The following NOS1 variants were observed in gnomAD, a reference collection of about 807,000 sequenced individuals.
The protein encoded by NOS1 is nitric oxide synthase 1, also known as NOS type I.
NOS1 carries 51 observed loss-of-function variants against 164.5 expected under a neutral mutation model. The observed-to-expected ratio is 0.31, with a 90% CI of 0.25 to 0.39. NOS1 has a LOEUF of 0.39. NOS1 is among the 10% of genes least tolerant of loss of function. NOS1 has a pLI of 1.00. For missense variants in NOS1, 1,362 were observed against 1,885.6 expected (o/e 0.72, Z 5.14); for synonymous variants, 719 against 745.8 (o/e 0.96, Z 0.59).
At position 117,253,112 on chromosome 12, in the gene NOS1, G is replaced by T. The variant is rs151299399; in HGVS notation, c.2648+526C>A. ...TTGTCAAATCTGACTGCACGTTAGA[G>T]TCAATTGGAGAGACTTAAAGAAAAA... On this transcript the variant is annotated intron_variant, in intron 17 of 28. Transcript: ENST00000317775. 1.8e-3 allele frequency among the ~76,000 whole-genome samples: 277 copies of T among 152,294 alleles called. 2 individuals are homozygous for T. Among genetic ancestry groups the T allele is most frequent in the African/African-American group, 6.6e-3 (274 of 41,556 alleles).
At chr12:117,273,065 C>G (rs561233540) in intron 9 of NOS1, among the ~76,000 whole-genome samples, 1 of 152,204 alleles carries the variant, frequency 6.6e-6, no homozygotes, top group Admixed American at 6.5e-5. Context: ...CTTACTCATA[C>G]TTTAATTGTC....
At chr12:117,332,639 C>T (rs369411719) in intron 1 of NOS1, among the ~76,000 whole-genome samples, 87 of 152,010 alleles carry the variant, frequency 5.7e-4, no homozygotes, top group African/African-American at 1.7e-3. Flanking sequence ...CCAAGGCGGG[C>T]GGATCACCTG....
chr12:117,300,066 TTA>T (rs1873713778), intron 3 of NOS1, among the ~76,000 whole-genome samples: 1 of 152,192 alleles, frequency 6.6e-6, no homozygotes, highest in African/African-American at 2.4e-5. Flanking sequence ...AGTTTCATGT[TTA>T]TGTTTTGGCC....
At chr12:117,233,119 C>T (rs1319567167) in intron 21 of NOS1, among the ~76,000 whole-genome samples, 2 of 142,440 alleles carry the variant, frequency 1.4e-5, no homozygotes, top group East Asian at 2.1e-4. Flanking sequence ...GTGATCTTGG[C>T]TCACTGCAAC....
At chr12:117,262,275 C>G (rs906574380) in intron 13 of NOS1, among the ~76,000 whole-genome samples, 1 of 152,122 alleles carries the variant, frequency 6.6e-6, no homozygotes, top group East Asian at 1.9e-4. Context: ...CTCCCCTTTC[C>G]CCCCAGAGAC....
intron 10 of NOS1, among the ~76,000 whole-genome samples, chr12:117,269,073 A>G (rs1003895444): frequency 2.0e-5 from 3 of 152,156 alleles, no homozygotes; most frequent in Non-Finnish European, 4.4e-5. Flanking sequence ...ATACAGTGGT[A>G]GGTACTAATT....
rs1956553149 is a variant in NOS1 at position 117,213,101 on chromosome 12, G to C, written c.*2208C>G. 7.1e-6 allele frequency: 7 copies of C among 985,472 alleles called. No individual in the cohort carries two copies. Among genetic ancestry groups the C allele is most frequent in the Non-Finnish European group, 8.4e-6 (7 of 829,944 alleles). The allele number at this position is 985,472 out of a possible 1,614,324, so 61.0% of individuals were successfully genotyped here. On this transcript the variant is annotated 3_prime_UTR_variant, in exon 29 of 29. Transcript: ENST00000317775. Reference sequence around the variant, plus strand: ...AGGCACATGCAGAAAGGAGGTGCCTGGCACCTTGTAAGCGCTTCTAAGTAT... The same window carrying C: ...AGGCACATGCAGAAAGGAGGTGCCTCGCACCTTGTAAGCGCTTCTAAGTAT...
chr12:117,222,630 G>A, intron 26 of NOS1, 85 bp downstream of exon 26: 1 of 1,290,958 alleles, frequency 7.7e-7, no homozygotes, highest in South Asian at 1.3e-5. Flanking sequence ...AAGCTTAAGA[G>A]TGAGGGTGAG....
intron 3 of NOS1, among the ~76,000 whole-genome samples, chr12:117,306,636 T>C (rs1469246573): frequency 2.0e-5 from 3 of 151,928 alleles, no homozygotes; most frequent in Non-Finnish European, 2.9e-5. Context: ...TTTTTTTTTT[T>C]TCAGATGGAG....
At chr12:117,306,921 C>T (rs114129038) in intron 3 of NOS1, among the ~76,000 whole-genome samples, 3,599 of 152,250 alleles carry the variant, frequency 0.024, 111 homozygotes, top group East Asian at 0.076. Flanking sequence ...CGCCTGGCCC[C>T]GCATTCCTTT....
intron 25 of NOS1, among the ~76,000 whole-genome samples, chr12:117,223,874 G>A (rs1333544840): frequency 1.3e-5 from 2 of 152,096 alleles, no homozygotes; most frequent in Admixed American, 6.5e-5. Context: ...GGCTGGTCTC[G>A]AACTCCTGAC....
At chr12:117,343,068 C>T (rs1876187317) in intron 1 of NOS1, among the ~76,000 whole-genome samples, 1 of 151,896 alleles carries the variant, frequency 6.6e-6, no homozygotes, top group Admixed American at 6.6e-5. Context: ...GGGCTGGATG[C>T]CTGTAATCCC....
At chr12:117,358,571 C>T (rs558178150) in intron 1 of NOS1, among the ~76,000 whole-genome samples, 1 of 152,192 alleles carries the variant, frequency 6.6e-6, no homozygotes, top group African/African-American at 2.4e-5. Flanking sequence ...TTCCAGAACC[C>T]CTTTCACATA....
chr12:117,211,041 C>G lies in NOS1; in HGVS notation c.*4268G>C. 3 of 726,878 alleles carry G rather than the reference C, an allele frequency of 4.1e-6. No homozygotes were observed. The highest frequency in any genetic ancestry group is 5.0e-6 in the Non-Finnish European group (3 of 594,514). The allele number at this position is 726,878 out of a possible 1,614,324, so 45.0% of individuals were successfully genotyped here. ...GTACAATCTTGGCTCACTGCAGCCT[C>G]CACCTCCTGGGCTCAAGCGATCCTC... On this transcript the variant is annotated 3_prime_UTR_variant, in exon 29 of 29. Coordinates refer to ENST00000317775, the MANE Select transcript of NOS1 (RefSeq NM_000620.5).
intron 5 of NOS1, among the ~76,000 whole-genome samples, 182 bp downstream of exon 5, chr12:117,287,892 C>A (rs1566060106): frequency 6.6e-6 from 1 of 152,156 alleles, no homozygotes; most frequent in Non-Finnish European, 1.5e-5. Flanking sequence ...ATAAGCAACC[C>A]TTTGCAGGTG....
At position 117,288,223 on chromosome 12, in the gene NOS1, G is replaced by C; in HGVS notation, c.982-4C>G. On this transcript the variant is annotated splice_region_variant and splice_polypyrimidine_tract_variant and intron_variant, in intron 4 of 28. Coordinates refer to ENST00000317775, the MANE Select transcript of NOS1 (RefSeq NM_000620.5). ...TGTACTCAGTGCATCCCGTTTCCTG[G>C]AAGATCAAGAGATTTGGGGTATTGC... 5.0e-6 allele frequency: 8 copies of C among 1,610,562 alleles called. No homozygotes were observed. Among genetic ancestry groups the C allele is most frequent in the Non-Finnish European group, 6.8e-6 (8 of 1,178,902 alleles).
At chr12:117,322,769 C>T (rs553492355) in intron 2 of NOS1, among the ~76,000 whole-genome samples, 20 of 141,468 alleles carry the variant, frequency 1.4e-4, no homozygotes, top group African/African-American at 4.5e-4. Flanking sequence ...CTCCTTCCTT[C>T]CCTCTCTCCT....
intron 27 of NOS1, 57 bp downstream of exon 27, chr12:117,220,018 G>T: frequency 1.3e-6 from 2 of 1,504,080 alleles, no homozygotes; most frequent in African/African-American, 1.4e-5. Flanking sequence ...GATGAAAAAG[G>T]GGGGATAGGA....
chr12:117,231,885 T>C (rs935962834), intron 22 of NOS1, 77 bp downstream of exon 22: 46 of 1,433,564 alleles, frequency 3.2e-5, no homozygotes, highest in South Asian at 1.8e-4. Flanking sequence ...GGAAGCCTGG[T>C]AATAACAGTT....
Sources: gnomAD v4.1 joint callset for allele counts (sites outside exome capture counted in the v4.1 genomes callset) on GRCh38, gnomAD v4.1.1 for gene constraint, MANE v1.5 for transcripts, NCBI Gene and HGNC (gene_info 2026-07-23, HGNC 2026-07-21) for gene names.